The following LIFR variants were observed in gnomAD, a reference collection of about 807,000 sequenced individuals.
LIFR encodes the protein LIF receptor subunit alpha.
Under a neutral mutation model 122.2 loss-of-function variants are expected in LIFR, and 84 were observed. That is an observed-to-expected ratio of 0.69 (90% confidence interval 0.58 to 0.82). LIFR has a LOEUF of 0.82. Among genes scored for constraint, LIFR ranks in the 40% least tolerant of loss-of-function variants. The pLI is 0.00. For synonymous variants in LIFR, 422 were observed against 434.7 expected, an observed-to-expected ratio of 0.97 and a Z score of 0.36; for missense variants, 1,294 against 1,311.6, an observed-to-expected ratio of 0.99 and a Z score of 0.21.
intron 2 of LIFR, among the ~76,000 whole-genome samples, chr5:38,605,292 G>A (rs1379900421): frequency 6.6e-6 from 1 of 152,124 alleles, no homozygotes; most frequent in Non-Finnish European, 1.5e-5. Flanking sequence ...CATAGAGGCA[G>A]GCACCACATA....
chr5:38,522,988 T>C (rs1746484515), intron 5 of LIFR, among the ~76,000 whole-genome samples: 1 of 152,144 alleles, frequency 6.6e-6, no homozygotes, highest in East Asian at 1.9e-4. Context: ...AAAAAGCATG[T>C]ACTGATAAAT....
intron 18 of LIFR, 141 bp from the exon 19 acceptor site, chr5:38,482,808 G>A: frequency 2.2e-6 from 1 of 461,404 alleles, no homozygotes; most frequent in Non-Finnish European, 3.8e-6. Flanking sequence ...TCTTTAGTGT[G>A]ATCATTCACT....
At chr5:38,501,493 C>T (rs752327149) in intron 11 of LIFR, among the ~76,000 whole-genome samples, 18 of 152,148 alleles carry the variant, frequency 1.2e-4, no homozygotes, top group African/African-American at 1.7e-4. Context: ...GTGGCTCACG[C>T]CTGTAATCCC....
intron 11 of LIFR, among the ~76,000 whole-genome samples, chr5:38,502,026 A>C (rs1165814081): frequency 3.3e-5 from 5 of 151,494 alleles, no homozygotes; most frequent in Admixed American, 3.3e-4. Context: ...AAGCATAATT[A>C]AAATTCCAAG....
rs1252939452 is a variant in LIFR at position 38,527,257 on chromosome 5, T to C, written c.295A>G (p.Lys99Glu). The change falls in exon 4 of 20, where the codon AAA becomes GAA. Residue 99 changes from lysine (K) to glutamate (E), a missense_variant. By Grantham distance (56) the Lys-to-Glu change is moderately conservative. Coordinates refer to ENST00000453190, the MANE Select transcript of LIFR (RefSeq NM_001127671.2). Reference protein sequence around the residue: ...SCYQLEKTSIKIPALSHGDYE... With the variant: ...SCYQLEKTSIEIPALSHGDYE... ...TCACCATGTGAAAGAGCTGGAATTT[T>C]AATACTGGTTTTCTCCAACTGATAA... 1 of 1,598,566 alleles carries C rather than the reference T, an allele frequency of 6.3e-7. No homozygotes were observed.
At chr5:38,504,909 T>A (rs993492923) in intron 9 of LIFR, among the ~76,000 whole-genome samples, 3 of 152,204 alleles carry the variant, frequency 2.0e-5, no homozygotes, top group African/African-American at 7.2e-5. Flanking sequence ...TGAGACTGTA[T>A]GAGACATGCC....
At chr5:38,499,715 T>G in intron 11 of LIFR, 132 bp from the exon 12 acceptor site, 2 of 713,474 alleles carry the variant, frequency 2.8e-6, no homozygotes, top group South Asian at 3.2e-5. Flanking sequence ...ACTTAGAAAA[T>G]GAAGCAATGG....
chr5:38,497,117 A>G (rs1015521398), intron 12 of LIFR, among the ~76,000 whole-genome samples: 2 of 152,168 alleles, frequency 1.3e-5, no homozygotes, highest in African/African-American at 4.8e-5. Flanking sequence ...CAAACATGAC[A>G]AACATGAAAC....
rs540513218 is a variant in LIFR at position 38,478,604 on chromosome 5, TAAATA to T, written c.*2986_*2990del. 2.9e-3 allele frequency: 532 copies of T among 184,656 alleles called. 1 individual carries two copies. Among genetic ancestry groups the T allele is most frequent in the African/African-American group, 0.012 (500 of 42,698 alleles). 11.4% of individuals were successfully genotyped at this position (184,656 alleles called of 1,614,324 possible). On this transcript the variant is annotated 3_prime_UTR_variant, in exon 20 of 20. Coordinates refer to ENST00000453190, the MANE Select transcript of LIFR (RefSeq NM_001127671.2). ...AGCTAAGTCTTTAATAATTTAATAT[TAAATA>T]AAATATTAATTATTTAAAATGGTCA...
chr5:38,526,220 A>G (rs1746670637), intron 4 of LIFR, among the ~76,000 whole-genome samples: 1 of 152,158 alleles, frequency 6.6e-6, no homozygotes, highest in African/African-American at 2.4e-5. Context: ...TTCTAATGCT[A>G]ATTCAGCTTT....
chr5:38,578,293 G>T (rs1749461725), intron 1 of LIFR, among the ~76,000 whole-genome samples: 1 of 137,804 alleles, frequency 7.3e-6, no homozygotes, highest in African/African-American at 2.7e-5. Flanking sequence ...CGCAACGTCT[G>T]CCTCCCGGTT....
chr5:38,591,763 G>A (rs980491721), intron 1 of LIFR, among the ~76,000 whole-genome samples: 1 of 152,192 alleles, frequency 6.6e-6, no homozygotes, highest in East Asian at 1.9e-4. Flanking sequence ...CTAGGTGGGA[G>A]AAGGGGGTGA....
At chr5:38,549,278 C>G (rs1389432273) in intron 1 of LIFR, among the ~76,000 whole-genome samples, 2 of 151,984 alleles carry the variant, frequency 1.3e-5, no homozygotes, top group Non-Finnish European at 2.9e-5. Context: ...CACACACACA[C>G]ACACACACAC....
chr5:38,560,531 T>A (rs1303180015), upstream of LIFR, among the ~76,000 whole-genome samples: 1 of 152,186 alleles, frequency 6.6e-6, no homozygotes, highest in Non-Finnish European at 1.5e-5. Context: ...TCAAGTAATT[T>A]GATAAATTAT....
intron 1 of LIFR, among the ~76,000 whole-genome samples, chr5:38,582,737 C>G (rs1749625861): frequency 1.3e-5 from 2 of 152,162 alleles, no homozygotes; most frequent in African/African-American, 4.8e-5. Flanking sequence ...GATTCATCCC[C>G]TGCCAGCATT....
In LIFR at chr5:38,528,750, T is replaced by C; in HGVS notation, c.233A>G (p.Asp78Gly). Residue 78 changes from aspartate to glycine, a missense_variant, in exon 3 of 20, where the codon GAT (aspartate) becomes GGT (glycine). Transcript: ENST00000453190. Reference protein sequence around the residue: ...KAPSGTGRGTDYEVCIENRSR... With the variant: ...KAPSGTGRGTGYEVCIENRSR... ...CCTGTTTTCAATGCAAACTTCATAATCAGTACCACGGCCTGTTCCAGAGGG... is the reference window on the plus strand; with the variant it reads ...CCTGTTTTCAATGCAAACTTCATAACCAGTACCACGGCCTGTTCCAGAGGG... 1 of 1,592,454 alleles carries C rather than the reference T, an allele frequency of 6.3e-7. No individual in the cohort carries two copies. Among genetic ancestry groups the C allele is most frequent in the Non-Finnish European group, 8.6e-7 (1 of 1,167,048 alleles).
At position 38,551,827 on chromosome 5, in the gene LIFR, T is replaced by G. The variant is rs1748220148; in HGVS notation, c.-20+4507A>C. On this transcript the variant is annotated intron_variant, in intron 1 of 19. Coordinates refer to ENST00000453190, the MANE Select transcript of LIFR (RefSeq NM_001127671.2). ...CATAGAATAGTATCTCCCAAACACA[T>G]ATCTTTGCTCACCTGAGCAGTACCA... 3.9e-5 allele frequency among the ~76,000 whole-genome samples: 6 copies of G among 152,266 alleles called. No homozygotes were observed. In the South Asian group the frequency reaches 1.2e-3, roughly 32 times the overall value.
intron 5 of LIFR, among the ~76,000 whole-genome samples, chr5:38,516,911 CATGA>C (rs1038190837): frequency 6.1e-4 from 93 of 152,198 alleles, no homozygotes; most frequent in African/African-American, 2.1e-3. Context: ...TTTGCAGGGA[CATGA>C]ATGAAGTTGG....
intron 1 of LIFR, among the ~76,000 whole-genome samples, chr5:38,569,212 C>T (rs1749126430): frequency 6.6e-6 from 1 of 152,192 alleles, no homozygotes; most frequent in African/African-American, 2.4e-5. Flanking sequence ...TATAGCCCAC[C>T]ATTCTATCTC....
Sources: gnomAD v4.1 joint callset for allele counts (sites outside exome capture counted in the v4.1 genomes callset) on GRCh38, gnomAD v4.1.1 for gene constraint, MANE v1.5 for transcripts, NCBI Gene and HGNC (gene_info 2026-07-23, HGNC 2026-07-21) for gene names.